Variants in TJP1 observed in about 807,000 individuals in gnomAD.
TJP1 encodes tight junction protein 1.
Under a neutral mutation model 194.2 loss-of-function variants are expected in TJP1, and 43 were observed. That is an observed-to-expected ratio of 0.22 (90% CI 0.17 to 0.29). TJP1 has a LOEUF of 0.29. TJP1 is among the 10% of genes least tolerant of loss of function. TJP1 has a pLI of 1.00. For synonymous variants in TJP1, 801 were observed against 779.0 expected (o/e 1.03, Z -0.47); for missense variants, 1,971 against 2,185.7 (o/e 0.90, Z 1.96).
intron 2 of TJP1, among the ~76,000 whole-genome samples, chr15:29,851,445 C>T (rs950654477): frequency 6.6e-6 from 1 of 152,004 alleles, no homozygotes; most frequent in Non-Finnish European, 1.5e-5. Flanking sequence ...CTGAATAGCC[C>T]TATTACCAAT....
chr15:29,749,627 T>C (rs997101133), intron 8 of TJP1, among the ~76,000 whole-genome samples: 1 of 152,002 alleles, frequency 6.6e-6, no homozygotes, highest in African/African-American at 2.4e-5. Flanking sequence ...TTGTGTGAAG[T>C]CTCCCATGAG....
intron 1 of TJP1, among the ~76,000 whole-genome samples, chr15:29,960,291 A>C (rs139166153): frequency 6.6e-6 from 1 of 152,284 alleles, no homozygotes; most frequent in African/African-American, 2.4e-5. Context: ...TGACAAAGTA[A>C]AACAGAAAAA....
intron 1 of TJP1, 30 bp from the exon 2 acceptor site, chr15:29,800,732 T>C (rs1393164835): frequency 1.9e-6 from 3 of 1,609,422 alleles, no homozygotes; most frequent in Non-Finnish European, 2.5e-6. Flanking sequence ...ACAAATCATT[T>C]ACCTTTTAAG....
intron 2 of TJP1, among the ~76,000 whole-genome samples, chr15:29,863,488 T>A (rs1412124540): frequency 6.6e-6 from 1 of 152,078 alleles, no homozygotes; most frequent in Non-Finnish European, 1.5e-5. Context: ...AACAGTGTTT[T>A]TAAAGCATCT....
chr15:29,713,013 T>A (rs1031313817), intron 23 of TJP1, among the ~76,000 whole-genome samples: 10 of 152,174 alleles, frequency 6.6e-5, no homozygotes, highest in Non-Finnish European at 1.2e-4. Context: ...AGCTGGGCCC[T>A]GTGGTGGTGG....
intron 8 of TJP1, among the ~76,000 whole-genome samples, chr15:29,757,007 C>CCCTG (rs1411892575): frequency 6.6e-6 from 1 of 152,064 alleles, no homozygotes; most frequent in Non-Finnish European, 1.5e-5. Context: ...AACACATGTG[C>CCCTG]CAGGTATTGT....
intron 2 of TJP1, among the ~76,000 whole-genome samples, chr15:29,848,968 T>C (rs142517424): frequency 2.7e-3 from 407 of 152,174 alleles, no homozygotes; most frequent in African/African-American, 9.3e-3. Flanking sequence ...CTTTTTCACA[T>C]AAGATAAATA....
At chr15:29,918,311 A>C (rs1023755403) in intron 2 of TJP1, among the ~76,000 whole-genome samples, 2 of 152,212 alleles carry the variant, frequency 1.3e-5, no homozygotes, top group Non-Finnish European at 2.9e-5. Context: ...ATACATCTTT[A>C]TATCCCTGCT....
At chr15:29,800,554 C>A in intron 2 of TJP1, 92 bp downstream of exon 2, 1 of 1,289,000 alleles carries the variant, frequency 7.8e-7, no homozygotes, top group South Asian at 1.3e-5. Context: ...CCTCCTCCCT[C>A]TGGCTTCCTG....
chr15:29,877,565 C>T (rs183024573), intron 2 of TJP1, among the ~76,000 whole-genome samples: 11 of 151,520 alleles, frequency 7.3e-5, no homozygotes, highest in Non-Finnish European at 7.4e-5. Context: ...CTTTCTTTTT[C>T]TCTTTCTTTC....
Position 29,809,112 on chromosome 15 carries a change from G to A in TJP1, c.28-8410C>T, listed in dbSNP as rs181444748. Among the ~76,000 whole-genome samples, 5 of 152,212 alleles carry A rather than the reference G, an allele frequency of 3.3e-5. No individual in the cohort carries two copies. The East Asian group carries it at 7.7e-4, about 23-fold the overall frequency. On this transcript the variant is annotated intron_variant, in intron 1 of 27. Coordinates refer to ENST00000614355, the MANE Select transcript of TJP1 (RefSeq NM_001330239.4). ...GATATGCTATGTGCAAAATATACATGATATGTAAAATATACATGCAACAGT... is the reference window on the plus strand; with the variant it reads ...GATATGCTATGTGCAAAATATACATAATATGTAAAATATACATGCAACAGT...
chr15:29,779,793 C>T (rs182406157), intron 2 of TJP1, among the ~76,000 whole-genome samples: 257 of 152,124 alleles, frequency 1.7e-3, no homozygotes, highest in Middle Eastern at 6.8e-3. Context: ...AACAGGCAGT[C>T]GACTACATAA....
At chr15:29,948,250 C>T (rs996949174) in intron 2 of TJP1, among the ~76,000 whole-genome samples, 1 of 134,154 alleles carries the variant, frequency 7.5e-6, no homozygotes, top group Non-Finnish European at 1.6e-5. Flanking sequence ...AACAGAGCAA[C>T]ACTCCATCAC....
intron 2 of TJP1, among the ~76,000 whole-genome samples, chr15:29,779,699 T>C (rs570944064): frequency 2.8e-4 from 43 of 152,310 alleles, no homozygotes; most frequent in African/African-American, 9.4e-4. Context: ...TTTTTTAAAC[T>C]AGCCCTAATT....
intron 2 of TJP1, among the ~76,000 whole-genome samples, chr15:29,949,352 A>T (rs370194439): frequency 0.025 from 2,424 of 96,772 alleles, 5 homozygotes; most frequent in East Asian, 0.12. Flanking sequence ...CACCACCACC[A>T]CCTCCACCAC....
At chr15:29,790,821 T>G (rs1055559511) in intron 2 of TJP1, among the ~76,000 whole-genome samples, 2 of 151,920 alleles carry the variant, frequency 1.3e-5, no homozygotes, top group African/African-American at 4.8e-5. Context: ...CTGGCTTATT[T>G]CATTTAACGT....
At chr15:29,741,222 G>C in intron 10 of TJP1, 109 bp downstream of exon 10, 1 of 733,604 alleles carries the variant, frequency 1.4e-6, no homozygotes, top group Non-Finnish European at 2.3e-6. Context: ...GTATTAGGTG[G>C]TATGTACTAT....
chr15:29,801,939 G>C (rs114449278), intron 1 of TJP1, among the ~76,000 whole-genome samples: 1 of 151,860 alleles, frequency 6.6e-6, no homozygotes, highest in African/African-American at 2.4e-5. Flanking sequence ...GAAAATTTAC[G>C]AATTTGTGTT....
At chr15:29,714,823 G>A (rs1732903759) in intron 23 of TJP1, among the ~76,000 whole-genome samples, 1 of 152,130 alleles carries the variant, frequency 6.6e-6, no homozygotes, top group Non-Finnish European at 1.5e-5. Flanking sequence ...TTACAGGCAC[G>A]AGCCACTGCG....
Sources: gnomAD v4.1 joint callset for allele counts (sites outside exome capture counted in the v4.1 genomes callset) on GRCh38, gnomAD v4.1.1 for gene constraint, MANE v1.5 for transcripts, NCBI Gene and HGNC (gene_info 2026-07-23, HGNC 2026-07-21) for gene names.